The following COL14A1 variants were observed in gnomAD, a reference collection of about 807,000 sequenced individuals.
The protein encoded by COL14A1 is collagen alpha-1(XIV) chain.
Under a neutral mutation model 230.3 loss-of-function variants are expected in COL14A1, and 136 were observed. The ratio of observed to expected loss-of-function variants is 0.59; its 90% confidence interval spans 0.51 to 0.68. The LOEUF is 0.68. COL14A1 is among the 30% of genes least tolerant of loss of function. COL14A1 has a pLI of 0.00. For missense variants in COL14A1, 1,976 were observed against 2,215.8 expected (o/e 0.89, Z 2.17); for synonymous variants, 792 against 784.1 (o/e 1.01, Z -0.17).
chr8:120,250,619 C>T lies in COL14A1; in HGVS notation c.2605C>T (p.Pro869Ser). ...AATATATCCTCTTTCTTCTTTAGTT[C>T]CTGGTCCAACACTGGAAACGTTTGT... ...YRIVYKPVSV[P>S]GPTLETFVGA... is the part of the protein sequence containing the mutation. The change falls in exon 22 of 48, where the codon CCT becomes TCT. Residue 869 changes from proline (P) to serine (S), a missense_variant and splice_region_variant. Around this residue, in one of 3 missense-constraint regions of COL14A1, gnomAD observed 1,791 missense variants for 2,019.5 expected, o/e 0.89. Transcript: ENST00000297848. 6.2e-7 allele frequency: 1 copy of T among 1,614,080 alleles called. No homozygotes were observed. Among genetic ancestry groups the T allele is most frequent in the Non-Finnish European group, 8.5e-7 (1 of 1,179,978 alleles).
chr8:120,139,148 A>C (rs906679940), intron 1 of COL14A1, among the ~76,000 whole-genome samples: 4 of 152,232 alleles, frequency 2.6e-5, no homozygotes, highest in African/African-American at 9.6e-5. Flanking sequence ...CTGTTTTCAG[A>C]AGCTATGTAA....
At chr8:120,184,208 G>T (rs1172089822) in intron 5 of COL14A1, among the ~76,000 whole-genome samples, 1 of 145,408 alleles carries the variant, frequency 6.9e-6, no homozygotes, top group African/African-American at 2.7e-5. Flanking sequence ...TGTGGTGTGT[G>T]TGTGGGGGGG....
rs1489973065 is a variant in COL14A1, at chr8:120,270,025, T to C, written c.3074-10T>C. 3 of 1,609,994 alleles carry C rather than the reference T, an allele frequency of 1.9e-6. No individual in the cohort carries two copies. The highest frequency in any genetic ancestry group is 2.5e-6 in the Non-Finnish European group (3 of 1,177,614). On this transcript the variant is annotated splice_polypyrimidine_tract_variant and intron_variant, in intron 25 of 47. Coordinates refer to ENST00000297848, the MANE Select transcript of COL14A1 (RefSeq NM_021110.4). ...TTATCTCTGACTCAAAATTCATTGT[T>C]GGTCTTCAGTATGTAAGGCGGCCAA...
At chr8:120,198,433 G>A (rs1322864672) in intron 7 of COL14A1, among the ~76,000 whole-genome samples, 5 of 152,066 alleles carry the variant, frequency 3.3e-5, no homozygotes, top group South Asian at 2.1e-4. Flanking sequence ...GATGAATGAC[G>A]AATATAAGAA....
At chr8:120,153,560 C>T (rs1032193122) in intron 2 of COL14A1, among the ~76,000 whole-genome samples, 31 of 152,120 alleles carry the variant, frequency 2.0e-4, no homozygotes, top group African/African-American at 7.5e-4. Flanking sequence ...GTTTAAAAGT[C>T]TTTTAAAAAT....
chr8:120,148,261 T>C lies in COL14A1; in HGVS notation c.88+331T>C, dbSNP rs376853685. On this transcript the variant is annotated intron_variant, in intron 2 of 47. Coordinates refer to ENST00000297848, the MANE Select transcript of COL14A1 (RefSeq NM_021110.4). ...AATTTTCCTGCCTCAGCCTCCCAAG[T>C]AGCTGGGACTACAGGCATGAGCCAC... Among the ~76,000 whole-genome samples, 9 of 151,740 alleles carry C rather than the reference T, an allele frequency of 5.9e-5. 1 individual carries two copies. Among genetic ancestry groups the C allele is most frequent in the African/African-American group, 1.7e-4 (7 of 41,374 alleles).
intron 26 of COL14A1, among the ~76,000 whole-genome samples, chr8:120,273,002 T>C (rs985371454): frequency 2.0e-5 from 3 of 151,724 alleles, no homozygotes; most frequent in Non-Finnish European, 4.4e-5. Flanking sequence ...ATTCTTCACA[T>C]CAGCATATGG....
rs111672645 is a variant in COL14A1, at chr8:120,331,596, G to T, written c.4660-545G>T. Among the ~76,000 whole-genome samples the T allele has an allele frequency of 7.1e-3, 1,078 of 152,230 alleles. 21 individuals are homozygous for T. The highest frequency in any genetic ancestry group is 0.024 in the African/African-American group (991 of 41,534). The stretch of plus-strand genomic sequence containing the variant: ...CCACCAGGGAATGAGGAGCAAACAC[G>T]TGCTCATTTGTAAGCCCACGATGAC... On this transcript the variant is annotated intron_variant, in intron 40 of 47. Transcript: ENST00000297848.
intron 3 of COL14A1, among the ~76,000 whole-genome samples, chr8:120,161,561 T>A (rs1815668250): frequency 6.6e-6 from 1 of 152,210 alleles, no homozygotes; most frequent in Admixed American, 6.5e-5. Context: ...AGATTTAAGA[T>A]AATTAAATTG....
At chr8:120,250,819 G>GT (rs1279205017) in intron 22 of COL14A1, 53 bp downstream of exon 22, 2 of 1,598,800 alleles carry the variant, frequency 1.3e-6, no homozygotes, top group Non-Finnish European at 1.7e-6. Context: ...GTTTTGTTTT[G>GT]TTTTTTGAGA....
chr8:120,220,106 A>G (rs1360357482), intron 14 of COL14A1, among the ~76,000 whole-genome samples: 1 of 152,156 alleles, frequency 6.6e-6, no homozygotes, highest in Non-Finnish European at 1.5e-5. Context: ...TTTAGAATAT[A>G]TAATTTTAAG....
rs1818106262 is a variant in COL14A1 at position 120,226,661 on chromosome 8, T to A, written c.1899T>A (p.Asp633Glu). ...EVPAQQYLEIDEVTTDSFRVT... is the reference protein window; with the variant it reads ...EVPAQQYLEIEEVTTDSFRVT... ...CAGCCCAGCAATACTTAGAAATTGATGAGGTGACGACAGACAGTTTTAGGG... is the reference window on the plus strand; with the variant it reads ...CAGCCCAGCAATACTTAGAAATTGAAGAGGTGACGACAGACAGTTTTAGGG... Residue 633 changes from aspartate to glutamate, a missense_variant, in exon 16 of 48, where the codon GAT becomes GAA. Transcript: ENST00000297848. 6.2e-7 allele frequency: 1 copy of A among 1,613,208 alleles called. No homozygotes were observed. The highest frequency in any genetic ancestry group is 1.1e-5 in the South Asian group (1 of 90,894).
chr8:120,127,166 T>C (rs545165781), intron 1 of COL14A1, among the ~76,000 whole-genome samples: 1 of 152,362 alleles, frequency 6.6e-6, no homozygotes, highest in African/African-American at 2.4e-5. Context: ...GAATACAATA[T>C]GTGGTCCTTT....
chr8:120,293,959 A>T (rs922879566), intron 34 of COL14A1, among the ~76,000 whole-genome samples: 2 of 151,912 alleles, frequency 1.3e-5, no homozygotes, highest in African/African-American at 4.8e-5. Flanking sequence ...CAATCAGTTC[A>T]ATAGTTGACA....
chr8:120,358,332 G>A (rs1197024856), intron 45 of COL14A1, among the ~76,000 whole-genome samples: 1 of 151,896 alleles, frequency 6.6e-6, no homozygotes, highest in Non-Finnish European at 1.5e-5. Context: ...AGGCTACATT[G>A]TCCCCCAAAA....
At chr8:120,234,605 T>A (rs538851457) in intron 19 of COL14A1, among the ~76,000 whole-genome samples, 2 of 152,050 alleles carry the variant, frequency 1.3e-5, no homozygotes, top group East Asian at 3.9e-4. Context: ...GTTTATGTGA[T>A]GTATTATATT....
chr8:120,258,453 G>C (rs920808370), intron 23 of COL14A1, among the ~76,000 whole-genome samples: 1 of 152,082 alleles, frequency 6.6e-6, no homozygotes, highest in African/African-American at 2.4e-5. Flanking sequence ...GTTTGGACCT[G>C]GTTGCCTTCC....
At chr8:120,237,439 C>G (rs1358880631) in intron 19 of COL14A1, among the ~76,000 whole-genome samples, 1 of 152,138 alleles carries the variant, frequency 6.6e-6, no homozygotes, top group Non-Finnish European at 1.5e-5. Flanking sequence ...AAAGTTCTTA[C>G]GCTGTGTTTT....
chr8:120,159,538 C>G (rs1206629984), intron 3 of COL14A1, among the ~76,000 whole-genome samples: 2 of 151,862 alleles, frequency 1.3e-5, no homozygotes, highest in Non-Finnish European at 2.9e-5. Flanking sequence ...AGACCTTTTT[C>G]CAAAAGATAC....
Sources: allele counts gnomAD v4.1 joint callset (sites outside exome capture counted in the v4.1 genomes callset), GRCh38; gene constraint gnomAD v4.1.1; regional missense constraint gnomAD v4.1.1; transcripts MANE v1.5; gene names NCBI Gene and HGNC (gene_info 2026-07-23, HGNC 2026-07-21).